The following NBEA variants were observed in gnomAD, a reference collection of about 807,000 sequenced individuals.
NBEA encodes lysosomal-trafficking regulator 2.
NBEA carries 44 observed loss-of-function variants against 343.4 expected under a neutral mutation model. The ratio of observed to expected loss-of-function variants is 0.13; its 90% CI spans 0.10 to 0.16. The LOEUF is 0.16. Ranked by LOEUF, NBEA falls within the 10% of genes least tolerant of loss-of-function variation. NBEA has a pLI of 1.00. For missense variants in NBEA, 2,555 were observed against 3,631.3 expected, an observed-to-expected ratio of 0.70 and a Z score of 7.62; for synonymous variants, 1,175 against 1,238.7, an observed-to-expected ratio of 0.95 and a Z score of 1.08.
At chr13:35,564,534 A>G (rs1010318935) in intron 44 of NBEA, among the ~76,000 whole-genome samples, 6 of 152,194 alleles carry the variant, frequency 3.9e-5, no homozygotes, top group African/African-American at 1.4e-4. Context: ...GTTAGCATAC[A>G]TATGAACTAT....
intron 36 of NBEA, among the ~76,000 whole-genome samples, chr13:35,344,412 G>T (rs1377543879): frequency 6.6e-6 from 1 of 151,768 alleles, no homozygotes; most frequent in Admixed American, 6.6e-5. Context: ...TAATAATAAA[G>T]AAGTTTAACA....
intron 34 of NBEA, among the ~76,000 whole-genome samples, chr13:35,245,190 A>C (rs1411542639): frequency 6.6e-6 from 1 of 151,942 alleles, no homozygotes; most frequent in Non-Finnish European, 1.5e-5. Flanking sequence ...GTGAATCCTT[A>C]TGTGTCAGGT....
chr13:35,573,875 T>C (rs1037702069), intron 45 of NBEA, among the ~76,000 whole-genome samples: 1 of 152,186 alleles, frequency 6.6e-6, no homozygotes, highest in African/African-American at 2.4e-5. Flanking sequence ...CATGCAAAAC[T>C]AGGCCAAATT....
At chr13:35,549,988 C>A (rs1455977443) in intron 41 of NBEA, among the ~76,000 whole-genome samples, 3 of 152,182 alleles carry the variant, frequency 2.0e-5, no homozygotes, top group Non-Finnish European at 4.4e-5. Context: ...GCAACTGAGA[C>A]CATATAGCCT....
chr13:35,443,836 C>T (rs1364231329), intron 39 of NBEA, among the ~76,000 whole-genome samples: 1 of 151,740 alleles, frequency 6.6e-6, no homozygotes, highest in African/African-American at 2.4e-5. Context: ...ATTGAAAGAC[C>T]TGTTTTCTTC....
At chr13:35,086,209 C>G (rs2064752711) in intron 10 of NBEA, among the ~76,000 whole-genome samples, 1 of 152,076 alleles carries the variant, frequency 6.6e-6, no homozygotes. Flanking sequence ...TGACTTTCTT[C>G]ACAGAATTGT....
At chr13:35,422,276 C>T (rs1415463146) in intron 38 of NBEA, among the ~76,000 whole-genome samples, 3 of 151,012 alleles carry the variant, frequency 2.0e-5, no homozygotes, top group East Asian at 2.0e-4. Context: ...TCAGGTATAC[C>T]TCCTAATGCT....
intron 41 of NBEA, among the ~76,000 whole-genome samples, chr13:35,490,788 G>A (rs1189615993): frequency 6.6e-6 from 1 of 151,800 alleles, no homozygotes; most frequent in African/African-American, 2.4e-5. Context: ...GAAACTTCTG[G>A]CCTCATTTCA....
chr13:35,254,378 C>T (rs1280736844), intron 34 of NBEA, among the ~76,000 whole-genome samples: 1 of 144,728 alleles, frequency 6.9e-6, no homozygotes, highest in Non-Finnish European at 1.5e-5. Flanking sequence ...GGCTGGAGTG[C>T]AGTGGCATGA....
intron 8 of NBEA, 58 bp downstream of exon 8, chr13:35,058,921 G>A (rs1375852736): frequency 2.2e-6 from 3 of 1,352,944 alleles, no homozygotes; most frequent in Admixed American, 2.8e-5. Context: ...AAAATGTGGT[G>A]TAATATCATT....
chr13:35,149,917 C>T (rs1428090916), intron 18 of NBEA, among the ~76,000 whole-genome samples: 3 of 152,140 alleles, frequency 2.0e-5, no homozygotes, highest in African/African-American at 7.2e-5. Context: ...AGTGACTCAA[C>T]ACAAGTACAG....
chr13:35,325,230 C>G (rs1044353517), intron 36 of NBEA, among the ~76,000 whole-genome samples: 3 of 151,820 alleles, frequency 2.0e-5, no homozygotes, highest in African/African-American at 7.3e-5. Flanking sequence ...ATTCATAGAC[C>G]AGTATAAGAA....
intron 1 of NBEA, among the ~76,000 whole-genome samples, chr13:34,994,300 A>C (rs2152519135): frequency 6.6e-6 from 1 of 151,984 alleles, no homozygotes. Context: ...GGGATGCCTT[A>C]CATTAATTTT....
At chr13:35,296,674 T>A (rs535985946) in intron 35 of NBEA, among the ~76,000 whole-genome samples, 1 of 152,186 alleles carries the variant, frequency 6.6e-6, no homozygotes, top group African/African-American at 2.4e-5. Flanking sequence ...CTTTAATCTT[T>A]ATTTTCCTGT....
chr13:35,418,290 G>A (rs9600739), intron 38 of NBEA, among the ~76,000 whole-genome samples: 23,457 of 151,546 alleles, frequency 0.15, 2,472 homozygotes, highest in Middle Eastern at 0.39. Flanking sequence ...TATTATTAGA[G>A]TATTTTCTAT....
intron 38 of NBEA, among the ~76,000 whole-genome samples, chr13:35,421,008 A>C (rs115087388): frequency 6.7e-6 from 1 of 150,360 alleles, no homozygotes; most frequent in African/African-American, 2.4e-5. Flanking sequence ...ATTTTTATTG[A>C]TTTCTGCTTT....
chr13:35,166,698 CTGAATGTTGTTTTTCTATTA>C (rs1463234468), intron 24 of NBEA, among the ~76,000 whole-genome samples: 2 of 152,038 alleles, frequency 1.3e-5, no homozygotes, highest in Non-Finnish European at 2.9e-5. Flanking sequence ...GTGCTGACTG[CTGAATGTTGTTTTTCTATTA>C]TGAATGTTGT....
intron 1 of NBEA, among the ~76,000 whole-genome samples, chr13:34,988,203 A>C (rs2060626427): frequency 6.6e-6 from 1 of 151,018 alleles, no homozygotes; most frequent in Non-Finnish European, 1.5e-5. Flanking sequence ...TTGAGGTGTC[A>C]GTCGGCCCCT....
chr13:35,146,658 C>G (rs1281629967), intron 18 of NBEA, among the ~76,000 whole-genome samples: 6 of 152,100 alleles, frequency 3.9e-5, no homozygotes, highest in Admixed American at 2.0e-4. Flanking sequence ...AAGCAGCAAC[C>G]ATTACCTTTA....
Sources: allele counts gnomAD v4.1 joint callset (sites outside exome capture counted in the v4.1 genomes callset), GRCh38; gene constraint gnomAD v4.1.1; transcripts MANE v1.5; gene names NCBI Gene and HGNC (gene_info 2026-07-23, HGNC 2026-07-21).